Variants in ZNF804A observed in about 807,000 individuals in gnomAD.
ZNF804A encodes the protein zinc finger protein 804A.
A neutral mutation model predicts 16.5 loss-of-function variants in ZNF804A; 2 were observed. That is an observed-to-expected ratio of 0.12 (90% CI 0.05 to 0.38). The LOEUF is 0.38. ZNF804A is among the 10% of genes least tolerant of loss of function. The pLI is 0.99. For synonymous variants in ZNF804A, 534 were observed against 489.6 expected, an observed-to-expected ratio of 1.09 and a Z score of -1.20; for missense variants, 1,473 against 1,390.7, an observed-to-expected ratio of 1.06 and a Z score of -0.94.
chr2:184,713,042 A>G (rs1693154016), intron 1 of ZNF804A, among the ~76,000 whole-genome samples: 1 of 151,658 alleles, frequency 6.6e-6, no homozygotes, highest in Non-Finnish European at 1.5e-5. Context: ...CTGGAGATTT[A>G]TTTATTTTTT....
chr2:184,921,735 AC>A (rs1197839184), intron 2 of ZNF804A, among the ~76,000 whole-genome samples: 2 of 152,072 alleles, frequency 1.3e-5, no homozygotes, highest in East Asian at 1.9e-4. Context: ...TTCTAACCGT[AC>A]TTTTGTACCC....
intron 1 of ZNF804A, among the ~76,000 whole-genome samples, chr2:184,839,605 A>G (rs1695404612): frequency 6.6e-6 from 1 of 152,130 alleles, no homozygotes; most frequent in African/African-American, 2.4e-5. Context: ...TAATTTTGGC[A>G]GTACAAAAGA....
intron 1 of ZNF804A, among the ~76,000 whole-genome samples, chr2:184,850,980 T>C (rs899080038): frequency 6.6e-6 from 1 of 151,786 alleles, no homozygotes; most frequent in African/African-American, 2.4e-5. Context: ...CCATGAGCGG[T>C]TATTTTAATA....
chr2:184,933,145 A>T (rs76963856), intron 2 of ZNF804A, among the ~76,000 whole-genome samples: 1 of 39,064 alleles, frequency 2.6e-5, no homozygotes, highest in Non-Finnish European at 4.7e-5. Context: ...ACACACACGC[A>T]CACACACACA....
chr2:184,918,411 C>A (rs551432909), intron 2 of ZNF804A, among the ~76,000 whole-genome samples: 99 of 152,228 alleles, frequency 6.5e-4, no homozygotes, highest in Middle Eastern at 3.4e-3. Context: ...GTAAGTAAAT[C>A]AATAGTGGTA....
intron 1 of ZNF804A, among the ~76,000 whole-genome samples, chr2:184,633,300 G>A (rs943571802): frequency 1.3e-5 from 2 of 152,148 alleles, no homozygotes; most frequent in African/African-American, 4.8e-5. Flanking sequence ...CCTGGGAATA[G>A]AATGTCAGTT....
intron 1 of ZNF804A, among the ~76,000 whole-genome samples, chr2:184,724,728 T>C (rs746387017): frequency 6.6e-6 from 1 of 151,694 alleles, no homozygotes; most frequent in Non-Finnish European, 1.5e-5. Context: ...GAAGGGCATG[T>C]AAATAAGTGA....
intron 2 of ZNF804A, among the ~76,000 whole-genome samples, chr2:184,915,260 A>G (rs184933644): frequency 2.0e-4 from 31 of 152,186 alleles, no homozygotes; most frequent in African/African-American, 7.2e-4. Flanking sequence ...TTACATTGTA[A>G]AAATATTTGC....
At chr2:184,714,304 G>A (rs555765539) in intron 1 of ZNF804A, among the ~76,000 whole-genome samples, 16 of 152,084 alleles carry the variant, frequency 1.1e-4, no homozygotes, top group African/African-American at 3.4e-4. Context: ...ACATGCACAT[G>A]CACACACTAT....
At chr2:184,755,184 T>C (rs1693939917) in intron 1 of ZNF804A, among the ~76,000 whole-genome samples, 1 of 151,970 alleles carries the variant, frequency 6.6e-6, no homozygotes, top group African/African-American at 2.4e-5. Context: ...CTACATACAA[T>C]ATAGTCCTCC....
At chr2:184,921,383 T>A (rs1319490651) in intron 2 of ZNF804A, among the ~76,000 whole-genome samples, 1 of 152,176 alleles carries the variant, frequency 6.6e-6, no homozygotes, top group African/African-American at 2.4e-5. Flanking sequence ...GAGAAGTATT[T>A]GTGCATAGAA....
intron 1 of ZNF804A, among the ~76,000 whole-genome samples, chr2:184,811,954 C>T: frequency 6.6e-6 from 1 of 152,096 alleles, no homozygotes; most frequent in East Asian, 1.9e-4. Flanking sequence ...CACAGTCGCC[C>T]ATCACTCGGG....
rs1482520139 is a variant in ZNF804A, at chr2:184,937,991, C to A, written c.2595C>A (p.Ile865=). ...EKMKPQEVAK[I]ERNSEQTNQL... is the part of the protein sequence containing the mutation. Reference sequence around the variant, plus strand: ...TGAAACCACAAGAAGTTGCAAAAATCGAAAGGAACTCAGAACAAACAAACC... The same window carrying A: ...TGAAACCACAAGAAGTTGCAAAAATAGAAAGGAACTCAGAACAAACAAACC... The change falls in exon 4 of 4, where the codon ATC becomes ATA. Residue 865 remains isoleucine, a synonymous_variant. Transcript: ENST00000302277. 2 of 1,613,952 alleles carry A rather than the reference C, an allele frequency of 1.2e-6. No individual in the cohort carries two copies. The highest frequency in any genetic ancestry group is 2.2e-5 in the East Asian group (1 of 44,856).
chr2:184,781,049 A>C (rs969258659), intron 1 of ZNF804A, among the ~76,000 whole-genome samples: 1 of 151,698 alleles, frequency 6.6e-6, no homozygotes, highest in Non-Finnish European at 1.5e-5. Flanking sequence ...CTGCATGAGA[A>C]TCTTGGAAAT....
chr2:184,863,297 T>C (rs746848321), intron 1 of ZNF804A, among the ~76,000 whole-genome samples: 47 of 152,238 alleles, frequency 3.1e-4, no homozygotes, highest in Non-Finnish European at 4.9e-4. Context: ...ATCTGTAAAG[T>C]GAGGAAATGA....
At chr2:184,761,725 T>C (rs1207086353) in intron 1 of ZNF804A, among the ~76,000 whole-genome samples, 1 of 152,078 alleles carries the variant, frequency 6.6e-6, no homozygotes, top group African/African-American at 2.4e-5. Context: ...TTTGGGATAA[T>C]ATTAAGTGGC....
chr2:184,751,985 T>C (rs534387017), intron 1 of ZNF804A, among the ~76,000 whole-genome samples: 29 of 151,710 alleles, frequency 1.9e-4, no homozygotes, highest in South Asian at 1.0e-3. Context: ...ACACAAGAGA[T>C]GTTGTCATGG....
intron 1 of ZNF804A, among the ~76,000 whole-genome samples, chr2:184,686,112 G>C (rs1364048614): frequency 6.6e-6 from 1 of 152,222 alleles, no homozygotes; most frequent in Non-Finnish European, 1.5e-5. Context: ...TGTGAGGAGA[G>C]GCCAGACAAC....
At chr2:184,723,639 T>A (rs1693358627) in intron 1 of ZNF804A, among the ~76,000 whole-genome samples, 1 of 151,768 alleles carries the variant, frequency 6.6e-6, no homozygotes, top group Admixed American at 6.6e-5. Context: ...AAACATTTTT[T>A]AAGTAAGCTC....
Sources: allele counts gnomAD v4.1 joint callset (sites outside exome capture counted in the v4.1 genomes callset), GRCh38; gene constraint gnomAD v4.1.1; transcripts MANE v1.5; gene names NCBI Gene and HGNC (gene_info 2026-07-23, HGNC 2026-07-21).